Variants in RBPJ observed in about 807,000 individuals in gnomAD.
RBPJ encodes the protein recombining binding protein suppressor of hairless.
In RBPJ, 9 loss-of-function variants were observed where a neutral mutation model predicts 67.8. That is an observed-to-expected ratio of 0.13 (90% confidence interval 0.08 to 0.23). The LOEUF (loss-of-function observed/expected upper bound fraction) is 0.23. Among genes scored for constraint, RBPJ ranks in the 10% least tolerant of loss-of-function variants. The pLI is 1.00. For synonymous variants in RBPJ, 198 were observed against 203.3 expected, an observed-to-expected ratio of 0.97 and a Z score of 0.22; for missense variants, 305 against 595.6, an observed-to-expected ratio of 0.51 and a Z score of 5.08.
intron 1 of RBPJ, among the ~76,000 whole-genome samples, chr4:26,221,959 G>A (rs1206098450): frequency 6.6e-6 from 1 of 152,116 alleles, no homozygotes; most frequent in Non-Finnish European, 1.5e-5. Context: ...TGGGGGGAGG[G>A]CAGGAGTGAG....
chr4:26,212,914 T>C (rs914687273), intron 1 of RBPJ, among the ~76,000 whole-genome samples: 3 of 152,114 alleles, frequency 2.0e-5, no homozygotes, highest in Non-Finnish European at 4.4e-5. Context: ...GCTGAAGTCC[T>C]GGAGGCTGCA....
chr4:26,113,566 G>T, the RBPJ span: 1 of 457,900 alleles, frequency 2.2e-6, no homozygotes, highest in South Asian at 2.0e-5. Context: ...ACGCAGGGCA[G>T]AAGCCCTATG....
At chr4:26,152,102 A>AATAAATAGC in the RBPJ span, among the ~76,000 whole-genome samples, 4 of 152,246 alleles carry the variant, frequency 2.6e-5, no homozygotes, top group African/African-American at 9.6e-5. Context: ...TAGGGCTCAG[A>AATAAATAGC]ATAAATAGCT....
chr4:26,113,302 G>A, the RBPJ span: 1 of 443,436 alleles, frequency 2.3e-6, no homozygotes, highest in Non-Finnish European at 4.4e-6. Context: ...AAAGCTCACT[G>A]AGTGAGGATA....
the RBPJ span, among the ~76,000 whole-genome samples, chr4:26,147,410 C>T: frequency 1.3e-5 from 2 of 152,182 alleles, no homozygotes; most frequent in African/African-American, 4.8e-5. Flanking sequence ...CTGCTTTTGC[C>T]CCCGCAAAAC....
At chr4:26,220,512 CCGGA>C (rs777139678) in intron 1 of RBPJ, among the ~76,000 whole-genome samples, 4 of 152,046 alleles carry the variant, frequency 2.6e-5, no homozygotes, top group Non-Finnish European at 4.4e-5. Flanking sequence ...AAATCCATGC[CCGGA>C]CAGAGTTTAT....
chr4:26,260,183 G>C (rs926041966), intron 1 of RBPJ, among the ~76,000 whole-genome samples: 13 of 152,184 alleles, frequency 8.5e-5, no homozygotes, highest in African/African-American at 2.9e-4. Context: ...GTGGAACAAA[G>C]CATGGACCTG....
chr4:26,203,891 C>T (rs931283764), intron 1 of RBPJ, among the ~76,000 whole-genome samples: 1 of 152,180 alleles, frequency 6.6e-6, no homozygotes, highest in African/African-American at 2.4e-5. Flanking sequence ...CTGATGCTAC[C>T]TCTGTCCTGC....
chr4:26,319,767 A>G, upstream of RBPJ: 1 of 1,101,476 alleles, frequency 9.1e-7, no homozygotes, highest in South Asian at 1.2e-5. Context: ...AGCGCCTTCA[A>G]CAGGTTTCGG....
At chr4:26,171,402 TA>T (rs1284102580) in intron 1 of RBPJ, among the ~76,000 whole-genome samples, 3 of 151,712 alleles carry the variant, frequency 2.0e-5, no homozygotes, top group Middle Eastern at 3.4e-3. Context: ...TCCTGCACAA[TA>T]AAAAAAAGTC....
At chr4:26,272,402 C>T (rs993052367) in intron 1 of RBPJ, among the ~76,000 whole-genome samples, 6 of 151,690 alleles carry the variant, frequency 4.0e-5, no homozygotes, top group African/African-American at 1.5e-4. Context: ...TCCATCTGTA[C>T]AAAAAAAATT....
chr4:26,146,399 G>A, the RBPJ span, among the ~76,000 whole-genome samples: 4 of 152,078 alleles, frequency 2.6e-5, no homozygotes, highest in Admixed American at 6.5e-5. Flanking sequence ...AACTCAAATC[G>A]GATCATAGAC....
intron 1 of RBPJ, among the ~76,000 whole-genome samples, chr4:26,293,492 C>T (rs886998850): frequency 6.7e-6 from 1 of 149,380 alleles, no homozygotes; most frequent in Non-Finnish European, 1.5e-5. Flanking sequence ...TTTAATTAGC[C>T]AAGTCTGGTG....
intron 1 of RBPJ, among the ~76,000 whole-genome samples, chr4:26,349,330 C>T (rs1194474239): frequency 6.6e-6 from 1 of 152,132 alleles, no homozygotes; most frequent in African/African-American, 2.4e-5. Flanking sequence ...CCTCAGCGTC[C>T]CAAAGTGCTG....
At chr4:26,120,298 C>G in the RBPJ span, among the ~76,000 whole-genome samples, 1 of 152,138 alleles carries the variant, frequency 6.6e-6, no homozygotes, top group East Asian at 1.9e-4. Flanking sequence ...GCTGGGCAGG[C>G]TTTTCAACTG....
At chr4:26,278,170 A>G (rs541845935) in intron 1 of RBPJ, among the ~76,000 whole-genome samples, 11 of 152,334 alleles carry the variant, frequency 7.2e-5, no homozygotes, top group Middle Eastern at 3.4e-3. Flanking sequence ...ACTTTATAAC[A>G]TATACTTCAT....
At chr4:26,398,568 T>G (rs1470495472) in intron 2 of RBPJ, among the ~76,000 whole-genome samples, 9 of 152,206 alleles carry the variant, frequency 5.9e-5, no homozygotes, top group Non-Finnish European at 1.3e-4. Context: ...ATTTAAGGCT[T>G]GAGCCAATCT....
chr4:26,414,073 T>C (rs1410870295), intron 3 of RBPJ, among the ~76,000 whole-genome samples: 2 of 152,194 alleles, frequency 1.3e-5, no homozygotes, highest in African/African-American at 4.8e-5. Flanking sequence ...AGCCATTTTC[T>C]GTACTAATAA....
chr4:26,113,666 CAT>C, the RBPJ span: 8 of 271,706 alleles, frequency 2.9e-5, no homozygotes, highest in Admixed American at 8.1e-5. Context: ...CTTTGCATGT[CAT>C]GAGTGTGGAA....
Sources: allele counts gnomAD v4.1 joint callset (sites outside exome capture counted in the v4.1 genomes callset), GRCh38; gene constraint gnomAD v4.1.1; transcripts MANE v1.5; gene names NCBI Gene and HGNC (gene_info 2026-07-23, HGNC 2026-07-21).